EPB41L4A: variants seen among roughly 807,000 people sequenced by gnomAD.
EPB41L4A encodes erythrocyte membrane protein band 4.1 like 4A, also known as band 4.1-like protein 4A.
Under a neutral mutation model 108.6 loss-of-function variants are expected in EPB41L4A, and 100 were observed. The ratio of observed to expected loss-of-function variants is 0.92; its 90% confidence interval spans 0.78 to 1.09. The LOEUF (loss-of-function observed/expected upper bound fraction) is 1.09. Among genes scored for constraint, EPB41L4A ranks in the 50% least tolerant of loss-of-function variants. The pLI is 0.00. For missense variants in EPB41L4A, 1,030 were observed against 842.7 expected, an observed-to-expected ratio of 1.22 and a Z score of -2.75; for synonymous variants, 319 against 289.0, an observed-to-expected ratio of 1.10 and a Z score of -1.05.
At chr5:112,306,927 T>A (rs949258834) in intron 2 of EPB41L4A, among the ~76,000 whole-genome samples, 1 of 152,196 alleles carries the variant, frequency 6.6e-6, no homozygotes, top group Non-Finnish European at 1.5e-5. Context: ...CTACTTATTT[T>A]ATTTTGTAAC....
chr5:112,149,535 C>A (rs776899971), intron 12 of EPB41L4A, among the ~76,000 whole-genome samples: 1 of 152,072 alleles, frequency 6.6e-6, no homozygotes. Flanking sequence ...AGAATTGTTA[C>A]GTTTATACAT....
intron 1 of EPB41L4A, among the ~76,000 whole-genome samples, chr5:112,372,348 C>T (rs1366903643): frequency 6.6e-6 from 1 of 152,134 alleles, no homozygotes; most frequent in Non-Finnish European, 1.5e-5. Context: ...GAAAACCGCC[C>T]CCATGATCCA....
intron 2 of EPB41L4A, among the ~76,000 whole-genome samples, chr5:112,290,119 C>T (rs1753553526): frequency 6.6e-6 from 1 of 152,090 alleles, no homozygotes; most frequent in Non-Finnish European, 1.5e-5. Context: ...GAAAAGCCAT[C>T]CTAACTAATT....
At chr5:112,368,869 A>C (rs1759307565) in intron 1 of EPB41L4A, among the ~76,000 whole-genome samples, 1 of 151,888 alleles carries the variant, frequency 6.6e-6, no homozygotes, top group Non-Finnish European at 1.5e-5. Flanking sequence ...CTTTTGTTAC[A>C]GTCTTTGTCT....
intron 13 of EPB41L4A, among the ~76,000 whole-genome samples, chr5:112,208,038 G>A (rs995442137): frequency 6.6e-6 from 1 of 152,152 alleles, no homozygotes. Flanking sequence ...CCGAGGTCAA[G>A]AGATGCAGAC....
chr5:112,177,131 C>T (rs1304842626), intron 18 of EPB41L4A, among the ~76,000 whole-genome samples: 4 of 152,082 alleles, frequency 2.6e-5, no homozygotes, highest in Admixed American at 1.3e-4. Flanking sequence ...GCACTTTGGC[C>T]GTATCAGCTG....
intron 12 of EPB41L4A, among the ~76,000 whole-genome samples, chr5:112,220,464 C>G (rs1747969176): frequency 6.6e-6 from 1 of 152,156 alleles, no homozygotes; most frequent in Admixed American, 6.5e-5. Context: ...GGGCTCTTTT[C>G]TTTTGCAAAA....
intron 12 of EPB41L4A, chr5:112,228,293 G>A (rs550351726): frequency 6.6e-6 from 1 of 152,290 alleles, no homozygotes; most frequent in South Asian, 2.1e-4. Flanking sequence ...TGAAACACTG[G>A]AAGATACATC....
At position 112,164,191 on chromosome 5, in the gene EPB41L4A, A is replaced by T. The variant is rs892516078; in HGVS notation, c.*799T>A. 6.6e-6 allele frequency: 1 copy of T among 152,356 alleles called. No homozygotes were observed. Among genetic ancestry groups the T allele is most frequent in the Admixed American group, 6.5e-5 (1 of 15,312 alleles). 9.4% of individuals were successfully genotyped at this position (152,356 alleles called of 1,614,324 possible). A position where few individuals can be genotyped will look rare whatever the true frequency, so the allele number is the denominator to read the frequency against. ...AACAACACTTAAAGCTTTTTACATC[A>T]TTTGTAAATAACTGGTGGAACTTAA... On this transcript the variant is annotated 3_prime_UTR_variant, in exon 23 of 23. Coordinates refer to ENST00000261486, the MANE Select transcript of EPB41L4A (RefSeq NM_022140.5).
intron 1 of EPB41L4A, among the ~76,000 whole-genome samples, chr5:112,319,887 T>G (rs542296101): frequency 8.7e-4 from 133 of 152,162 alleles, no homozygotes; most frequent in Non-Finnish European, 1.7e-3. Flanking sequence ...TTTTGGGGTA[T>G]TATGTATTAA....
At chr5:112,143,911 G>A (rs1240066755) in intron 13 of EPB41L4A, 3 of 453,068 alleles carry the variant, frequency 6.6e-6, no homozygotes, top group Admixed American at 4.7e-5. Flanking sequence ...GGGGAAATGT[G>A]CTCAGTTGCC....
chr5:112,295,782 A>T (rs1753949298), intron 2 of EPB41L4A, among the ~76,000 whole-genome samples: 1 of 152,208 alleles, frequency 6.6e-6, no homozygotes, highest in Non-Finnish European at 1.5e-5. Context: ...GTGGTTCTAA[A>T]ATCAGATACA....
intron 1 of EPB41L4A, among the ~76,000 whole-genome samples, chr5:112,312,852 C>A (rs1294763744): frequency 6.6e-6 from 1 of 152,084 alleles, no homozygotes; most frequent in African/African-American, 2.4e-5. Flanking sequence ...TTTTGCAGTT[C>A]AGGTGTAAAG....
chr5:112,410,167 T>A (rs1762326781), intron 1 of EPB41L4A, among the ~76,000 whole-genome samples: 1 of 151,356 alleles, frequency 6.6e-6, no homozygotes, highest in Non-Finnish European at 1.5e-5. Context: ...CAGAAAAAGG[T>A]GAGAGGGAAT....
At chr5:112,148,005 C>G (rs1269090270) in intron 12 of EPB41L4A, among the ~76,000 whole-genome samples, 1 of 151,746 alleles carries the variant, frequency 6.6e-6, no homozygotes, top group African/African-American at 2.4e-5. Flanking sequence ...TGCCACTGCA[C>G]TCCAGCCTGG....
At chr5:112,371,281 A>C (rs2112544593) in intron 1 of EPB41L4A, among the ~76,000 whole-genome samples, 1 of 152,362 alleles carries the variant, frequency 6.6e-6, no homozygotes, top group East Asian at 1.9e-4. Flanking sequence ...TTACAAATAC[A>C]AAAGATGTGT....
chr5:112,257,444 G>C (rs1041498111), intron 9 of EPB41L4A: 1 of 152,108 alleles, frequency 6.6e-6, no homozygotes, highest in Non-Finnish European at 1.5e-5. Context: ...GGAATGAGGT[G>C]GGGGTGGGAG....
At chr5:112,228,232 T>C (rs917659310) in intron 12 of EPB41L4A, 3 of 152,218 alleles carry the variant, frequency 2.0e-5, no homozygotes, top group Non-Finnish European at 4.4e-5. Context: ...TAATTGCTAG[T>C]ATTTCAAATT....
chr5:112,338,580 G>A (rs1175067501), intron 1 of EPB41L4A, among the ~76,000 whole-genome samples: 2 of 147,126 alleles, frequency 1.4e-5, no homozygotes, highest in Admixed American at 6.7e-5. Flanking sequence ...TCCTCTACCA[G>A]CGTATATAAA....
Sources: gnomAD v4.1 joint callset for allele counts (sites outside exome capture counted in the v4.1 genomes callset) on GRCh38, gnomAD v4.1.1 for gene constraint, MANE v1.5 for transcripts, NCBI Gene and HGNC (gene_info 2026-07-23, HGNC 2026-07-21) for gene names.